ESRRG: variants seen among roughly 807,000 people sequenced by gnomAD.
ESRRG encodes the protein estrogen-related receptor gamma.
ESRRG carries 13 observed loss-of-function variants against 44.0 expected under a neutral mutation model. The observed-to-expected ratio is 0.30, with a 90% confidence interval of 0.19 to 0.47. The LOEUF (loss-of-function observed/expected upper bound fraction) is 0.47, where lower values mean the gene tolerates loss of function less well. Ranked by LOEUF, ESRRG falls within the 20% of genes least tolerant of loss-of-function variation. The probability of loss-of-function intolerance (pLI) is 1.00; values close to 1 mark genes in which losing one functional copy is unlikely to be tolerated. For missense variants in ESRRG, 395 were observed against 580.6 expected (o/e 0.68, Z 3.29); for synonymous variants, 215 against 214.6 (o/e 1.00, Z -0.02).
chr1:216,798,704 G>A (rs2094537493), intron 2 of ESRRG, among the ~76,000 whole-genome samples: 1 of 152,106 alleles, frequency 6.6e-6, no homozygotes, highest in African/African-American at 2.4e-5. Context: ...TAGGGATTGT[G>A]GTGATAGAGA....
intron 1 of ESRRG, among the ~76,000 whole-genome samples, chr1:217,052,137 T>C (rs2086165867): frequency 6.6e-6 from 1 of 152,118 alleles, no homozygotes. Flanking sequence ...TAGAAATCAC[T>C]TTGGATAAAG....
chr1:216,674,673 A>C (rs1049288573), intron 2 of ESRRG, among the ~76,000 whole-genome samples: 9 of 146,206 alleles, frequency 6.2e-5, no homozygotes, highest in African/African-American at 2.3e-4. Flanking sequence ...GCTGGAGTGC[A>C]ATCATGGCTC....
intron 2 of ESRRG, among the ~76,000 whole-genome samples, chr1:216,904,945 T>A (rs1334341623): frequency 2.0e-5 from 3 of 152,178 alleles, no homozygotes; most frequent in South Asian, 2.1e-4. Flanking sequence ...CCAGTGCAGA[T>A]AGGGCAGCCT....
chr1:216,634,941 T>A (rs2064995267), intron 3 of ESRRG, among the ~76,000 whole-genome samples: 1 of 152,174 alleles, frequency 6.6e-6, no homozygotes, highest in South Asian at 2.1e-4. Context: ...TGGAAGCCTA[T>A]TTTTTTCTTT....
intron 5 of ESRRG, among the ~76,000 whole-genome samples, chr1:216,530,779 T>A (rs942070958): frequency 6.6e-6 from 1 of 152,182 alleles, no homozygotes; most frequent in African/African-American, 2.4e-5. Context: ...AAAACATAAC[T>A]TCAAATCCTT....
At chr1:216,923,855 C>T (rs1222194335) in intron 2 of ESRRG, among the ~76,000 whole-genome samples, 1 of 152,166 alleles carries the variant, frequency 6.6e-6, no homozygotes, top group African/African-American at 2.4e-5. Flanking sequence ...TGGGAGCGTT[C>T]CAGGAAAGAT....
At chr1:216,748,978 C>T (rs1336531186) in intron 2 of ESRRG, among the ~76,000 whole-genome samples, 1 of 152,072 alleles carries the variant, frequency 6.6e-6, no homozygotes, top group African/African-American at 2.4e-5. Context: ...CGTAGAAAGA[C>T]AACACCTGCT....
chr1:216,882,892 C>T (rs1372886881), intron 2 of ESRRG, among the ~76,000 whole-genome samples: 1 of 151,762 alleles, frequency 6.6e-6, no homozygotes, highest in Admixed American at 6.6e-5. Flanking sequence ...TTGATATTTT[C>T]ACTCTTTTAT....
chr1:216,824,388 G>A (rs1477302487), intron 2 of ESRRG, among the ~76,000 whole-genome samples: 1 of 152,188 alleles, frequency 6.6e-6, no homozygotes, highest in African/African-American at 2.4e-5. Flanking sequence ...GGAGGTTGTA[G>A]TGAGTGGAGA....
chr1:216,992,326 C>T (rs575560097), intron 1 of ESRRG, among the ~76,000 whole-genome samples: 1 of 152,306 alleles, frequency 6.6e-6, no homozygotes, highest in African/African-American at 2.4e-5. Context: ...AAAGTTAACA[C>T]TCAAATGCAA....
At chr1:217,044,556 T>C (rs539440186) in intron 1 of ESRRG, among the ~76,000 whole-genome samples, 1 of 152,322 alleles carries the variant, frequency 6.6e-6, no homozygotes, top group East Asian at 1.9e-4. Context: ...CTCCCTATGC[T>C]GACCTCCATC....
At chr1:217,006,548 G>C (rs2077765086) in intron 1 of ESRRG, among the ~76,000 whole-genome samples, 1 of 151,988 alleles carries the variant, frequency 6.6e-6, no homozygotes, top group Non-Finnish European at 1.5e-5. Flanking sequence ...TTTCCAAAAT[G>C]CCTGGGACCA....
intron 2 of ESRRG, among the ~76,000 whole-genome samples, chr1:216,733,572 T>C (rs1337252891): frequency 1.3e-5 from 2 of 152,174 alleles, no homozygotes; most frequent in African/African-American, 2.4e-5. Context: ...TGTGCTCTTA[T>C]TGGAGGAGAA....
At chr1:216,603,630 A>C (rs2059529406) in intron 3 of ESRRG, among the ~76,000 whole-genome samples, 1 of 152,290 alleles carries the variant, frequency 6.6e-6, no homozygotes, top group Non-Finnish European at 1.5e-5. Context: ...ATTCCCATTA[A>C]AGAAGACAGA....
At chr1:216,507,280 G>T (rs2041440442) in intron 6 of ESRRG, 97 bp from the exon 7 acceptor site, 2 of 803,608 alleles carry the variant, frequency 2.5e-6, no homozygotes, top group East Asian at 2.9e-5. Context: ...AATTATTTTT[G>T]AACTTCTCTG....
At chr1:216,571,274 C>G (rs1247387260) in intron 3 of ESRRG, among the ~76,000 whole-genome samples, 1 of 152,096 alleles carries the variant, frequency 6.6e-6, no homozygotes, top group Non-Finnish European at 1.5e-5. Context: ...GAGAACCCAT[C>G]TCTACTAAAA....
rs138269746 is a variant in ESRRG at position 216,879,404 on chromosome 1, T to C, written c.-14+60178A>G. Among the ~76,000 whole-genome samples the C allele has an allele frequency of 3.3e-5, 5 of 150,100 alleles. No homozygotes were observed. The East Asian group carries it at 9.9e-4, about 30-fold the overall frequency. On this transcript the variant is annotated intron_variant, in intron 2 of 7. Transcript: ENST00000359162. Reference sequence around the variant, plus strand: ...ATCCCCAGAAGATGGTTCATGGAAATTCTCATCCCCTGCTAGGCTGTCCCA... The same window carrying C: ...ATCCCCAGAAGATGGTTCATGGAAACTCTCATCCCCTGCTAGGCTGTCCCA...
At chr1:217,132,332 G>C (rs1486340262) in intron 1 of ESRRG, among the ~76,000 whole-genome samples, 1 of 152,112 alleles carries the variant, frequency 6.6e-6, no homozygotes, top group African/African-American at 2.4e-5. Flanking sequence ...GTCTAGCTGG[G>C]AAAAGGGAGA....
intron 5 of ESRRG, among the ~76,000 whole-genome samples, chr1:216,545,083 C>T (rs1272660443): frequency 6.6e-6 from 1 of 151,916 alleles, no homozygotes; most frequent in Admixed American, 6.6e-5. Context: ...GACGGGCTCG[C>T]TCTGTCACCC....
Sources: gnomAD v4.1 joint callset for allele counts (sites outside exome capture counted in the v4.1 genomes callset) on GRCh38, gnomAD v4.1.1 for gene constraint, MANE v1.5 for transcripts, NCBI Gene and HGNC (gene_info 2026-07-23, HGNC 2026-07-21) for gene names.